The following POLR1B variants were observed in gnomAD, a reference collection of about 807,000 sequenced individuals.
POLR1B encodes RNA polymerase I subunit B.
A neutral mutation model predicts 105.8 loss-of-function variants in POLR1B; 30 were observed. The ratio of observed to expected loss-of-function variants is 0.28; its 90% CI spans 0.21 to 0.38. The LOEUF (loss-of-function observed/expected upper bound fraction) is 0.38, where lower values mean the gene tolerates loss of function less well. Ranked by LOEUF, POLR1B falls within the 10% of genes least tolerant of loss-of-function variation. The pLI is 1.00. For synonymous variants in POLR1B, 485 were observed against 505.1 expected (o/e 0.96, Z 0.53); for missense variants, 976 against 1,435.8 (o/e 0.68, Z 5.17).
Position 112,577,833 on chromosome 2 carries a change from A to C in POLR1B, c.*2104A>C, listed in dbSNP as rs1684935690. ...GGCGACAGAATGAGACCCTGTCTCAAAAAAAAAAAAAAAAAAAAAGCGGGG... is the reference window on the plus strand; with the variant it reads ...GGCGACAGAATGAGACCCTGTCTCACAAAAAAAAAAAAAAAAAAAGCGGGG... On this transcript the variant is annotated 3_prime_UTR_variant, in exon 15 of 15. Coordinates refer to ENST00000263331, the MANE Select transcript of POLR1B (RefSeq NM_019014.6). Among the ~76,000 whole-genome samples, 1 of 9,676 alleles carries C rather than the reference A, an allele frequency of 1.0e-4. No homozygotes were observed. The highest frequency in any genetic ancestry group is 4.1e-3 in the South Asian group (1 of 246). The allele number at this position is 9,676 out of a possible 152,430, so 6.3% of individuals were successfully genotyped here.
chr2:112,556,235 T>C (rs532938283), intron 7 of POLR1B, among the ~76,000 whole-genome samples: 1 of 150,220 alleles, frequency 6.7e-6, no homozygotes, highest in East Asian at 2.0e-4. Flanking sequence ...CTTGATTCTC[T>C]AGTTTCACTT....
intron 7 of POLR1B, among the ~76,000 whole-genome samples, chr2:112,553,844 C>G (rs1683504080): frequency 1.3e-5 from 2 of 152,072 alleles, no homozygotes; most frequent in South Asian, 4.1e-4. Flanking sequence ...ATTCAGTGTT[C>G]ATTAGAACAT....
At chr2:112,557,817 C>T (rs889884937) in intron 7 of POLR1B, 93 bp from the exon 8 acceptor site, 5 of 539,402 alleles carry the variant, frequency 9.3e-6, no homozygotes, top group African/African-American at 6.4e-5. Flanking sequence ...AACTCTTGGT[C>T]TCAAGCGATC....
chr2:112,571,996 A>C (rs751747241), intron 12 of POLR1B, among the ~76,000 whole-genome samples: 9 of 152,134 alleles, frequency 5.9e-5, no homozygotes, highest in Non-Finnish European at 1.2e-4. Flanking sequence ...CTCTAAGTCT[A>C]TAATTTTTTT....
chr2:112,544,430 A>C (rs1225557205), intron 1 of POLR1B, among the ~76,000 whole-genome samples: 1 of 152,174 alleles, frequency 6.6e-6, no homozygotes. Context: ...AGACTCTCCC[A>C]AAAAAATAAA....
intron 8 of POLR1B, 97 bp downstream of exon 8, chr2:112,558,178 C>A: frequency 1.0e-6 from 1 of 980,830 alleles, no homozygotes; most frequent in Non-Finnish European, 1.4e-6. Context: ...GCAAACCCCA[C>A]GAAAAAAGTA....
chr2:112,567,913 C>T (rs1375186993), intron 10 of POLR1B, 54 bp from the exon 11 acceptor site: 4 of 1,483,742 alleles, frequency 2.7e-6, no homozygotes, highest in South Asian at 2.4e-5. Flanking sequence ...AGACTGGCAG[C>T]GACAGCCATG....
At chr2:112,557,473 G>GC (rs1314582014) in intron 7 of POLR1B, among the ~76,000 whole-genome samples, 3 of 152,302 alleles carry the variant, frequency 2.0e-5, no homozygotes, top group African/African-American at 7.2e-5. Flanking sequence ...CACCTGAAAA[G>GC]CCCTCTTTCA....
chr2:112,574,810 C>A, intron 14 of POLR1B, 37 bp from the exon 15 acceptor site: 8 of 1,451,958 alleles, frequency 5.5e-6, no homozygotes, highest in East Asian at 2.6e-5. Context: ...TAAGTTAAAA[C>A]AAATAGGTTG....
chr2:112,568,867 A>G lies in POLR1B; in HGVS notation c.2039A>G (p.Asn680Ser), dbSNP rs1280696947. Reference protein sequence around the residue: ...IANFIPFSDHNQSPRNMYQCQ... With the variant: ...IANFIPFSDHSQSPRNMYQCQ... Reference sequence around the variant, plus strand: ...AACTTCATCCCTTTCTCTGATCACAACCAGAGTCCACGGAACATGTACCAA... The same window carrying G: ...AACTTCATCCCTTTCTCTGATCACAGCCAGAGTCCACGGAACATGTACCAA... Residue 680 changes from asparagine (N) to serine (S), a missense_variant, in exon 12 of 15, where the codon AAC (asparagine) becomes AGC (serine). Physicochemically the swap from Asn to Ser is conservative, Grantham distance 46 (BLOSUM62 1). Coordinates refer to ENST00000263331, the MANE Select transcript of POLR1B (RefSeq NM_019014.6). 1.9e-6 allele frequency: 3 copies of G among 1,614,018 alleles called. No homozygotes were observed. The highest frequency in any genetic ancestry group is 2.5e-6 in the Non-Finnish European group (3 of 1,180,018).
Position 112,573,658 on chromosome 2 carries a change from A to G in POLR1B, c.2368A>G (p.Ser790Gly), listed in dbSNP as rs1348040642. The G allele has an allele frequency of 1.2e-6, 2 of 1,614,204 alleles. No individual in the cohort carries two copies. Among genetic ancestry groups the G allele is most frequent in the Admixed American group, 1.7e-5 (1 of 60,030 alleles). Residue 790 changes from serine (S) to glycine (G), a missense_variant, in exon 14 of 15, where the codon AGT becomes GGT. Transcript: ENST00000263331. ...DLSEKIKQGDSSLVFGIKPGD... is the reference protein window; with the variant it reads ...DLSEKIKQGDGSLVFGIKPGD... ...CTCTGAAAAAATTAAACAAGGAGAT[A>G]GTAGCCTGGTGTTTGGCATCAAACC...
intron 6 of POLR1B, 21 bp from the exon 7 acceptor site, chr2:112,552,620 CTTTT>C (rs11351307): frequency 1.6e-6 from 2 of 1,279,282 alleles, no homozygotes; most frequent in South Asian, 1.6e-5. Context: ...TTGTTTTAAG[CTTTT>C]TTTTTTTTCT....
At chr2:112,561,614 A>G (rs1196484005) in intron 9 of POLR1B, among the ~76,000 whole-genome samples, 1 of 152,162 alleles carries the variant, frequency 6.6e-6, no homozygotes, top group East Asian at 1.9e-4. Flanking sequence ...TTAGCCGATC[A>G]ATATGTAGCC....
rs138622555 is a variant in POLR1B at position 112,572,871 on chromosome 2, G to A, written c.2271+113G>A. The stretch of plus-strand genomic sequence containing the variant: ...TACCCAAGTACCTAGTATTTGGCAC[G>A]TGATGTTCTATTAAATGATTAGTTC... On this transcript the variant is annotated intron_variant, in intron 13 of 14. Coordinates refer to ENST00000263331, the MANE Select transcript of POLR1B (RefSeq NM_019014.6). The A allele has an allele frequency of 5.2e-4, 453 of 874,600 alleles. 3 individuals are homozygous for A. The South Asian group carries it at 6.8e-3, about 13-fold the overall frequency. 54.2% of individuals were successfully genotyped at this position (874,600 alleles called of 1,614,324 possible). A position where few individuals can be genotyped will look rare whatever the true frequency, so the allele number is the denominator to read the frequency against.
intron 9 of POLR1B, 84 bp from the exon 10 acceptor site, chr2:112,564,282 G>A: frequency 6.7e-7 from 1 of 1,499,564 alleles, no homozygotes. Flanking sequence ...AACTGATACA[G>A]CAGCTGTTGA....
rs539701385 is a variant in POLR1B at position 112,569,599 on chromosome 2, G to A, written c.2074+697G>A. Among the ~76,000 whole-genome samples the A allele has an allele frequency of 3.3e-5, 5 of 149,464 alleles. No individual in the cohort carries two copies. The South Asian group carries it at 6.3e-4, about 19-fold the overall frequency. On this transcript the variant is annotated intron_variant, in intron 12 of 14. Transcript: ENST00000263331. ...TTTTGAGACAGAGTCTCGCTCTGTC[G>A]CCTAGGCTGGAGTGCAGTGGTGTGA...
intron 7 of POLR1B, among the ~76,000 whole-genome samples, chr2:112,557,234 A>C (rs2104535951): frequency 6.6e-6 from 1 of 152,344 alleles, no homozygotes; most frequent in African/African-American, 2.4e-5. Flanking sequence ...TGCAGTGAAA[A>C]AATATACAAC....
intron 10 of POLR1B, among the ~76,000 whole-genome samples, 193 bp from the exon 11 acceptor site, chr2:112,567,774 G>C (rs1365147173): frequency 6.6e-6 from 1 of 152,162 alleles, no homozygotes; most frequent in Non-Finnish European, 1.5e-5. Flanking sequence ...GTATCGACAC[G>C]TGCATTCATG....
chr2:112,552,292 C>A (rs181068139), intron 6 of POLR1B, among the ~76,000 whole-genome samples: 1 of 152,234 alleles, frequency 6.6e-6, no homozygotes, highest in East Asian at 1.9e-4. Context: ...ACATTTCATT[C>A]ATTTACATTT....
Sources: allele counts gnomAD v4.1 joint callset (sites outside exome capture counted in the v4.1 genomes callset), GRCh38; gene constraint gnomAD v4.1.1; transcripts MANE v1.5; gene names NCBI Gene and HGNC (gene_info 2026-07-23, HGNC 2026-07-21).